CNTNAP2: variants seen among roughly 807,000 people sequenced by gnomAD.
CNTNAP2 encodes the protein contactin-associated protein-like 2.
A neutral mutation model predicts 155.2 loss-of-function variants in CNTNAP2; 98 were observed. The ratio of observed to expected loss-of-function variants is 0.63; its 90% CI spans 0.54 to 0.75. The LOEUF is 0.75. Ranked by LOEUF, CNTNAP2 falls within the 30% of genes least tolerant of loss-of-function variation. CNTNAP2 has a pLI of 0.00. For synonymous variants in CNTNAP2, 651 were observed against 631.2 expected (o/e 1.03, Z -0.47); for missense variants, 1,727 against 1,688.1 (o/e 1.02, Z -0.40).
At chr7:147,961,096 C>A (rs1212674409) in intron 14 of CNTNAP2, among the ~76,000 whole-genome samples, 1 of 152,002 alleles carries the variant, frequency 6.6e-6, no homozygotes, top group Non-Finnish European at 1.5e-5. Flanking sequence ...TGTCTCCCCT[C>A]ACATCTGACC....
chr7:147,782,761 C>T (rs1162426853), intron 13 of CNTNAP2, among the ~76,000 whole-genome samples: 1 of 152,104 alleles, frequency 6.6e-6, no homozygotes, highest in Non-Finnish European at 1.5e-5. Flanking sequence ...TCCTCTGAAC[C>T]ATAATCATTG....
At chr7:147,332,861 C>CA (rs1156639954) in intron 9 of CNTNAP2, among the ~76,000 whole-genome samples, 1 of 152,044 alleles carries the variant, frequency 6.6e-6, no homozygotes, top group Admixed American at 6.5e-5. Context: ...GACTCCACCT[C>CA]AAAAAATAAT....
At chr7:146,193,002 C>A (rs1798727976) in intron 1 of CNTNAP2, among the ~76,000 whole-genome samples, 1 of 152,162 alleles carries the variant, frequency 6.6e-6, no homozygotes, top group Non-Finnish European at 1.5e-5. Context: ...TCCAGAGAGG[C>A]AGTCAAATCT....
At chr7:147,836,443 G>T (rs1193574744) in intron 13 of CNTNAP2, among the ~76,000 whole-genome samples, 1 of 151,790 alleles carries the variant, frequency 6.6e-6, no homozygotes, top group Non-Finnish European at 1.5e-5. Flanking sequence ...TCCTTTGGCT[G>T]GCACACTCCT....
chr7:147,909,374 C>T (rs1800020761), intron 14 of CNTNAP2, among the ~76,000 whole-genome samples: 1 of 152,076 alleles, frequency 6.6e-6, no homozygotes, highest in Admixed American at 6.6e-5. Flanking sequence ...AACTCTAAAA[C>T]TTAGATTGAA....
At chr7:147,572,753 A>C (rs12539980) in intron 12 of CNTNAP2, among the ~76,000 whole-genome samples, 34,070 of 151,800 alleles carry the variant, frequency 0.22, 4,206 homozygotes, top group Admixed American at 0.3. Flanking sequence ...AATTCAATTA[A>C]GATCAACTCA....
intron 20 of CNTNAP2, 98 bp downstream of exon 20, chr7:148,229,877 T>G: frequency 7.2e-7 from 1 of 1,389,522 alleles, no homozygotes; most frequent in Non-Finnish European, 1.0e-6. Flanking sequence ...GGGATAGAAG[T>G]AGAAGAGATG....
chr7:148,071,315 A>G (rs1803377802), intron 15 of CNTNAP2, among the ~76,000 whole-genome samples: 1 of 152,004 alleles, frequency 6.6e-6, no homozygotes, highest in South Asian at 2.1e-4. Context: ...CGTCTCTACT[A>G]AAAATACAAA....
intron 3 of CNTNAP2, among the ~76,000 whole-genome samples, chr7:146,990,324 TGGC>T (rs1798188106): frequency 6.6e-6 from 1 of 152,188 alleles, no homozygotes; most frequent in South Asian, 2.1e-4. Context: ...TTACAAAACT[TGGC>T]CCTACTGACT....
intron 1 of CNTNAP2, among the ~76,000 whole-genome samples, chr7:146,136,652 G>T (rs946894925): frequency 7.6e-6 from 1 of 131,294 alleles, no homozygotes; most frequent in Non-Finnish European, 1.6e-5. Flanking sequence ...TTAGTCTGGT[G>T]TGGTTTGGTT....
rs541548854 is a variant in CNTNAP2 at position 146,827,588 on chromosome 7, G to A, written c.209-12123G>A. ...TCCAGTGAATGGGCACTTAGCTAGG[G>A]AAGCCAAGAAATTATGCCTAATTAA... is the stretch of plus-strand genomic sequence containing the variant. On this transcript the variant is annotated intron_variant, in intron 2 of 23. Transcript: ENST00000361727. Among the ~76,000 whole-genome samples, 8 of 151,796 alleles carry A rather than the reference G, an allele frequency of 5.3e-5. No homozygotes were observed. In the East Asian group the frequency reaches 1.4e-3, roughly 26 times the overall value.
intron 9 of CNTNAP2, among the ~76,000 whole-genome samples, chr7:147,355,355 G>T (rs188177396): frequency 6.6e-6 from 1 of 151,888 alleles, no homozygotes; most frequent in South Asian, 2.1e-4. Flanking sequence ...ATCTAGAATC[G>T]GTATCCTAAC....
rs144506711 is a variant in CNTNAP2, at chr7:146,433,358, G to A, written c.97+316385G>A. Among the ~76,000 whole-genome samples, 3 of 152,226 alleles carry A rather than the reference G, an allele frequency of 2.0e-5. No homozygotes were observed. In the East Asian group the frequency reaches 5.8e-4, roughly 29 times the overall value. ...AGAACGCGATTTCAGTGACTCTTGA[G>A]CTGTGATGCTCAGTGAATGGAGAGT... On this transcript the variant is annotated intron_variant, in intron 1 of 23. Transcript: ENST00000361727.
chr7:147,238,933 T>C (rs62481849), intron 8 of CNTNAP2, among the ~76,000 whole-genome samples: 2,175 of 152,314 alleles, frequency 0.014, 20 homozygotes, highest in Non-Finnish European at 0.025. Flanking sequence ...TTGTTAAGTC[T>C]TGCCCTAGGG....
At chr7:146,549,605 A>C (rs897760444) in intron 1 of CNTNAP2, among the ~76,000 whole-genome samples, 1 of 152,012 alleles carries the variant, frequency 6.6e-6, no homozygotes, top group Non-Finnish European at 1.5e-5. Context: ...CTATGACAAA[A>C]ATTATTATTT....
intron 1 of CNTNAP2, among the ~76,000 whole-genome samples, chr7:146,444,032 AT>A (rs1796365680): frequency 6.6e-6 from 1 of 152,046 alleles, no homozygotes; most frequent in African/African-American, 2.4e-5. Flanking sequence ...CATGTTATTT[AT>A]TTATTTATTA....
At chr7:147,502,975 C>T (rs969951263) in intron 11 of CNTNAP2, among the ~76,000 whole-genome samples, 1 of 152,038 alleles carries the variant, frequency 6.6e-6, no homozygotes, top group South Asian at 2.1e-4. Context: ...CTGTGCTTTT[C>T]CTGACAGATG....
chr7:148,382,235 C>T (rs1637847), intron 21 of CNTNAP2, among the ~76,000 whole-genome samples: 108,630 of 152,032 alleles, frequency 0.71, 39,974 homozygotes, highest in Admixed American at 0.81. Flanking sequence ...GGCCCGGGAG[C>T]CTCTGCTGCC....
At chr7:147,694,863 T>C (rs1311308499) in intron 13 of CNTNAP2, among the ~76,000 whole-genome samples, 3 of 152,164 alleles carry the variant, frequency 2.0e-5, no homozygotes, top group Non-Finnish European at 4.4e-5. Flanking sequence ...TACTTTTTTT[T>C]CTTTGCCTAC....
Sources: gnomAD v4.1 joint callset for allele counts (sites outside exome capture counted in the v4.1 genomes callset) on GRCh38, gnomAD v4.1.1 for gene constraint, MANE v1.5 for transcripts, NCBI Gene and HGNC (gene_info 2026-07-23, HGNC 2026-07-21) for gene names.